The following AKAP7 variants were observed in gnomAD, a reference collection of about 807,000 sequenced individuals.
AKAP7 encodes A kinase (PRKA) anchor protein 7.
In AKAP7, 39 loss-of-function variants were observed where a neutral mutation model predicts 39.5. That is an observed-to-expected ratio of 0.99 (90% CI 0.76 to 1.29). The LOEUF is 1.29. AKAP7 is among the 50% of genes most tolerant of loss of function. The probability of loss-of-function intolerance (pLI) is 0.00; values close to 1 mark genes in which losing one functional copy is unlikely to be tolerated. For missense variants in AKAP7, 414 were observed against 407.7 expected, an observed-to-expected ratio of 1.02 and a Z score of -0.13; for synonymous variants, 140 against 139.1, an observed-to-expected ratio of 1.01 and a Z score of -0.05.
chr6:131,191,378 A>G lies in AKAP7; in HGVS notation c.590-8083A>G, dbSNP rs1806390197. On this transcript the variant is annotated intron_variant, in intron 5 of 7. Transcript: ENST00000431975. ...AAGAGAAGTTTTGGTAATTTATATG[A>G]ACTCTAAGTTGATAAGTTAATTACA... Among the ~76,000 whole-genome samples the G allele has an allele frequency of 1.3e-5, 2 of 152,194 alleles. 1 individual carries two copies. The highest frequency in any genetic ancestry group is 4.1e-4 in the South Asian group (2 of 4,826).
At chr6:131,194,844 A>G (rs1292480832) in intron 5 of AKAP7, among the ~76,000 whole-genome samples, 1 of 152,104 alleles carries the variant, frequency 6.6e-6, no homozygotes, top group South Asian at 2.1e-4. Flanking sequence ...CTCTGATAGA[A>G]TCATATGCAC....
intron 1 of AKAP7, among the ~76,000 whole-genome samples, chr6:131,138,934 A>G (rs926323312): frequency 1.8e-4 from 28 of 152,216 alleles, no homozygotes; most frequent in African/African-American, 6.5e-4. Flanking sequence ...TTGGAAGCAT[A>G]ACTTTTATTT....
rs751894374 is a variant in AKAP7 at position 131,219,816 on chromosome 6, T to C, written c.850+8T>C. The C allele has an allele frequency of 1.4e-6, 2 of 1,481,060 alleles. No individual in the cohort carries two copies. The highest frequency in any genetic ancestry group is 8.9e-7 in the Non-Finnish European group (1 of 1,118,334). 91.7% of individuals were successfully genotyped at this position (1,481,060 alleles called of 1,614,324 possible). On this transcript the variant is annotated splice_region_variant and intron_variant, in intron 7 of 7. Coordinates refer to ENST00000431975, the MANE Select transcript of AKAP7 (RefSeq NM_016377.4). ...AATCTTCCATTGTGATTGGTGAGTG[T>C]CATTTAAAAATTATTTATTATCTTT...
At chr6:131,174,578 G>A (rs1456536773) in intron 5 of AKAP7, among the ~76,000 whole-genome samples, 2 of 152,236 alleles carry the variant, frequency 1.3e-5, no homozygotes, top group Non-Finnish European at 2.9e-5. Flanking sequence ...GGGCAATGGA[G>A]TGAGACCCCA....
intron 5 of AKAP7, among the ~76,000 whole-genome samples, chr6:131,182,686 G>A (rs757309676): frequency 6.6e-6 from 1 of 152,050 alleles, no homozygotes; most frequent in Non-Finnish European, 1.5e-5. Context: ...TAAATCATAT[G>A]GTAGTTTAAT....
At chr6:131,135,973 T>TA (rs1282807299) in intron 1 of AKAP7, among the ~76,000 whole-genome samples, 191 bp downstream of exon 1, 4 of 152,198 alleles carry the variant, frequency 2.6e-5, no homozygotes, top group African/African-American at 7.2e-5. Flanking sequence ...GTGCTGCCTG[T>TA]AGCGAAGCGT....
chr6:131,250,919 T>G (rs934665994), intron 7 of AKAP7, among the ~76,000 whole-genome samples: 1 of 152,208 alleles, frequency 6.6e-6, no homozygotes, highest in Non-Finnish European at 1.5e-5. Context: ...GAGTTTAGTT[T>G]TGAGTTTCTT....
chr6:131,237,774 C>T (rs890286139), intron 7 of AKAP7, among the ~76,000 whole-genome samples: 161 of 151,958 alleles, frequency 1.1e-3, no homozygotes, highest in South Asian at 5.0e-3. Flanking sequence ...TTTTTTATTG[C>T]GTCTATTTGA....
At chr6:131,182,330 C>T (rs1203015805) in intron 5 of AKAP7, among the ~76,000 whole-genome samples, 2 of 152,054 alleles carry the variant, frequency 1.3e-5, no homozygotes, top group Admixed American at 6.6e-5. Context: ...TGGCTTCTGG[C>T]GACCACCATT....
At chr6:131,263,089 C>T (rs1211146040) in intron 7 of AKAP7, among the ~76,000 whole-genome samples, 2 of 152,134 alleles carry the variant, frequency 1.3e-5, no homozygotes, top group Admixed American at 6.5e-5. Context: ...GGCAGTAGAG[C>T]CAAGGCAGTG....
intron 7 of AKAP7, among the ~76,000 whole-genome samples, chr6:131,278,338 C>T (rs1449390175): frequency 6.6e-6 from 1 of 152,176 alleles, no homozygotes; most frequent in Non-Finnish European, 1.5e-5. Context: ...TTGCTTTGCT[C>T]ACTGCTTTGT....
intron 2 of AKAP7, among the ~76,000 whole-genome samples, chr6:131,159,670 A>AC: frequency 6.6e-6 from 1 of 152,336 alleles, no homozygotes; most frequent in Middle Eastern, 3.4e-3. Context: ...ACATACCTAT[A>AC]CAGGATGGTT....
intron 7 of AKAP7, among the ~76,000 whole-genome samples, chr6:131,244,296 G>A (rs920327507): frequency 8.5e-5 from 13 of 152,116 alleles, no homozygotes; most frequent in Non-Finnish European, 1.8e-4. Context: ...TTGGGCCCTG[G>A]CTCTCTCACC....
In AKAP7 at chr6:131,209,047, A is replaced by T. The variant is rs141700076; in HGVS notation, c.702+9474A>T. 2.7e-3 allele frequency among the ~76,000 whole-genome samples: 407 copies of T among 152,328 alleles called. 5 individuals carry two copies. Among genetic ancestry groups the T allele is most frequent in the Non-Finnish European group, 4.1e-4 (28 of 68,026 alleles). ...GGCAGAAAATATTTTGAACAGTTGT[A>T]TAGTCTACTCAGCATTGTTTCCCAA... is the stretch of plus-strand genomic sequence containing the variant. On this transcript the variant is annotated intron_variant, in intron 6 of 7. Transcript: ENST00000431975.
intron 2 of AKAP7, among the ~76,000 whole-genome samples, chr6:131,149,395 G>A (rs1801732869): frequency 6.6e-6 from 1 of 152,248 alleles, no homozygotes; most frequent in Non-Finnish European, 1.5e-5. Flanking sequence ...AGCACTTCGG[G>A]AGGCCGAGTT....
chr6:131,175,206 AGAG>A (rs1348639641), intron 5 of AKAP7, among the ~76,000 whole-genome samples: 2 of 152,154 alleles, frequency 1.3e-5, no homozygotes, highest in Non-Finnish European at 2.9e-5. Flanking sequence ...GGACTGAGGA[AGAG>A]GAGGAGTGAG....
chr6:131,160,294 G>C (rs1562872589), intron 3 of AKAP7, 96 bp downstream of exon 3: 2 of 1,313,614 alleles, frequency 1.5e-6, no homozygotes, highest in East Asian at 4.9e-5. Flanking sequence ...TAGCTTTTAA[G>C]AGTATTTGGT....
chr6:131,241,626 T>TATATAC lies in AKAP7; in HGVS notation c.850+21818_850+21819insATATAC, dbSNP rs1562238177. 2.7e-4 allele frequency among the ~76,000 whole-genome samples: 37 copies of TATATAC among 135,730 alleles called. 2 individuals are homozygous for TATATAC. The highest frequency in any genetic ancestry group is 1.0e-3 in the East Asian group (5 of 4,994). 89.0% of individuals were successfully genotyped at this position (135,730 alleles called of 152,430 possible). A position where few individuals can be genotyped will look rare whatever the true frequency, so the allele number is the denominator to read the frequency against. ...GTGTGTGTGTGTGTGTGTGTGTGTG[T>TATATAC]GTATATATATATGACAGTTATAGGA... On this transcript the variant is annotated intron_variant, in intron 7 of 7. Transcript: ENST00000431975.
intron 6 of AKAP7, among the ~76,000 whole-genome samples, chr6:131,208,585 G>A (rs1808342595): frequency 6.6e-6 from 1 of 152,178 alleles, no homozygotes; most frequent in South Asian, 2.1e-4. Context: ...TTTTCTTTCT[G>A]AATATCTGTC....
Sources: allele counts gnomAD v4.1 joint callset (sites outside exome capture counted in the v4.1 genomes callset), GRCh38; gene constraint gnomAD v4.1.1; transcripts MANE v1.5; gene names NCBI Gene and HGNC (gene_info 2026-07-23, HGNC 2026-07-21).